The following NTN4 variants were observed in gnomAD, a reference collection of about 807,000 sequenced individuals.
The protein encoded by NTN4 is netrin 4, also known as netrin-4.
A neutral mutation model predicts 73.6 loss-of-function variants in NTN4; 32 were observed. The ratio of observed to expected loss-of-function variants is 0.44; its 90% CI spans 0.33 to 0.58. NTN4 has a LOEUF of 0.58. Among genes scored for constraint, NTN4 ranks in the 20% least tolerant of loss-of-function variants. The pLI is 0.04. For synonymous variants in NTN4, 258 were observed against 287.5 expected, an observed-to-expected ratio of 0.90 and a Z score of 1.04; for missense variants, 654 against 798.3, an observed-to-expected ratio of 0.82 and a Z score of 2.18.
chr12:95,774,185 T>TAAA (rs150561959), intron 2 of NTN4, among the ~76,000 whole-genome samples: 1 of 135,156 alleles, frequency 7.4e-6, no homozygotes, highest in Non-Finnish European at 1.6e-5. Context: ...CTTTTTTTTT[T>TAAA]TAAAAAAAAA....
rs186694131 is a variant in NTN4 at position 95,755,175 on chromosome 12, G to T, written c.586-17031C>A. Among the ~76,000 whole-genome samples the T allele has an allele frequency of 4.5e-3, 687 of 152,316 alleles. 2 individuals carry two copies. Among genetic ancestry groups the T allele is most frequent in the Non-Finnish European group, 7.1e-3 (485 of 68,024 alleles). On this transcript the variant is annotated intron_variant, in intron 2 of 9. Transcript: ENST00000343702. ...ATTGTCACCTCACTTGAAGAGGAAG[G>T]TTATACTTCAATTGACTCGTGAAAC...
At chr12:95,736,891 C>T (rs994114941) in intron 3 of NTN4, among the ~76,000 whole-genome samples, 1 of 152,278 alleles carries the variant, frequency 6.6e-6, no homozygotes. Context: ...GGTGGCCTAT[C>T]GTATACTAGG....
intron 2 of NTN4, among the ~76,000 whole-genome samples, chr12:95,784,535 G>A (rs898227944): frequency 1.3e-4 from 20 of 152,260 alleles, no homozygotes; most frequent in African/African-American, 3.6e-4. Context: ...TTGGCAGGCC[G>A]AGGAGGGCGG....
intron 9 of NTN4, among the ~76,000 whole-genome samples, chr12:95,665,355 GT>G (rs2078171292): frequency 6.6e-6 from 1 of 152,118 alleles, no homozygotes; most frequent in African/African-American, 2.4e-5. Context: ...CTTGAGAACT[GT>G]TTTCTCTCCA....
At chr12:95,721,072 T>C (rs1452298432) in intron 3 of NTN4, among the ~76,000 whole-genome samples, 1 of 152,230 alleles carries the variant, frequency 6.6e-6, no homozygotes, top group African/African-American at 2.4e-5. Flanking sequence ...AGTCTCACTC[T>C]AGCATCCTCA....
intron 2 of NTN4, among the ~76,000 whole-genome samples, chr12:95,757,641 G>A (rs2078955361): frequency 6.6e-6 from 1 of 151,566 alleles, no homozygotes; most frequent in Admixed American, 6.6e-5. Context: ...GAGCTTTGGG[G>A]GCCATCTATG....
intron 3 of NTN4, among the ~76,000 whole-genome samples, chr12:95,731,502 G>C (rs903159571): frequency 1.3e-5 from 2 of 152,102 alleles, no homozygotes; most frequent in African/African-American, 2.4e-5. Flanking sequence ...GGAGGCAGAG[G>C]TTGCAGTGAG....
At chr12:95,780,806 T>C (rs538557102) in intron 2 of NTN4, among the ~76,000 whole-genome samples, 159 of 152,328 alleles carry the variant, frequency 1.0e-3, no homozygotes, top group Non-Finnish European at 7.6e-4. Flanking sequence ...ACCGGGTATA[T>C]ACCCAAAGGA....
chr12:95,731,818 G>A (rs2078739265), intron 3 of NTN4, among the ~76,000 whole-genome samples: 1 of 152,092 alleles, frequency 6.6e-6, no homozygotes, highest in African/African-American at 2.4e-5. Context: ...TCTGACAGGT[G>A]AATGTAATTG....
chr12:95,766,714 C>T (rs1410986722), intron 2 of NTN4, among the ~76,000 whole-genome samples: 9 of 152,188 alleles, frequency 5.9e-5, no homozygotes, highest in Admixed American at 3.3e-4. Context: ...TCTTGACCTG[C>T]GCATAATATT....
intron 3 of NTN4, among the ~76,000 whole-genome samples, chr12:95,727,273 G>T (rs1435134559): frequency 6.6e-6 from 1 of 152,066 alleles, no homozygotes; most frequent in Non-Finnish European, 1.5e-5. Context: ...ATTAAACTGG[G>T]TTATTTTTTG....
In NTN4 at chr12:95,790,572, C is replaced by G; in HGVS notation, c.-263G>C. 2 of 296,756 alleles carry G rather than the reference C, an allele frequency of 6.7e-6. No individual in the cohort carries two copies. Among genetic ancestry groups the G allele is most frequent in the Non-Finnish European group, 6.2e-6 (1 of 161,520 alleles). 18.4% of individuals were successfully genotyped at this position (296,756 alleles called of 1,614,324 possible). A position where few individuals can be genotyped will look rare whatever the true frequency, so the allele number is the denominator to read the frequency against. ...GCGGCGGGAGCCCCGGGACCATAGCCGGCCTGGCTGCGCTGCCCCGCGGAG... is the reference window on the plus strand; with the variant it reads ...GCGGCGGGAGCCCCGGGACCATAGCGGGCCTGGCTGCGCTGCCCCGCGGAG... On this transcript the variant is annotated 5_prime_UTR_variant, in exon 1 of 10. Coordinates refer to ENST00000343702, the MANE Select transcript of NTN4 (RefSeq NM_021229.4). This position sits in a 1 kb window ranked among gnomAD's most constrained non-coding sequence, Gnocchi z 6.5.
At chr12:95,714,855 G>A (rs1429101119) in intron 3 of NTN4, among the ~76,000 whole-genome samples, 2 of 152,132 alleles carry the variant, frequency 1.3e-5, no homozygotes, top group African/African-American at 4.8e-5. Context: ...TATTTTGATT[G>A]TGACAAAAAA....
chr12:95,787,662 A>G (rs954779936), intron 1 of NTN4, among the ~76,000 whole-genome samples, 194 bp from the exon 2 acceptor site: 27 of 152,180 alleles, frequency 1.8e-4, no homozygotes, highest in African/African-American at 6.0e-4. Context: ...GCATTCGTGT[A>G]TGCGTGTGTG....
intron 7 of NTN4, among the ~76,000 whole-genome samples, chr12:95,678,143 A>T (rs1175147295): frequency 6.6e-6 from 1 of 151,746 alleles, no homozygotes; most frequent in African/African-American, 2.4e-5. Flanking sequence ...CAATGAGAAC[A>T]CATGGACACA....
At chr12:95,732,301 C>CA (rs1201472593) in intron 3 of NTN4, among the ~76,000 whole-genome samples, 1 of 150,364 alleles carries the variant, frequency 6.7e-6, no homozygotes, top group African/African-American at 2.4e-5. Flanking sequence ...ATTTTACAGT[C>CA]AAATTTAATA....
chr12:95,660,084 G>C (rs559571487), intron 9 of NTN4, among the ~76,000 whole-genome samples: 2 of 152,174 alleles, frequency 1.3e-5, no homozygotes, highest in East Asian at 1.9e-4. Flanking sequence ...TGCCGTCTTG[G>C]CTCACTGCAA....
chr12:95,732,385 T>C (rs2078744208), intron 3 of NTN4, among the ~76,000 whole-genome samples: 1 of 143,778 alleles, frequency 7.0e-6, no homozygotes, highest in Admixed American at 7.5e-5. Context: ...TTTCTCTCTC[T>C]CTTTCTTCCT....
intron 3 of NTN4, among the ~76,000 whole-genome samples, chr12:95,735,023 G>C (rs1483337437): frequency 1.3e-5 from 2 of 152,086 alleles, no homozygotes; most frequent in Non-Finnish European, 2.9e-5. Flanking sequence ...TGGGCAACAA[G>C]AGCGAAACTC....
Sources: gnomAD v4.1 joint callset for allele counts (sites outside exome capture counted in the v4.1 genomes callset) on GRCh38, gnomAD v4.1.1 for gene constraint, Gnocchi (gnomAD v3.1) non-coding constraint, MANE v1.5 for transcripts, NCBI Gene and HGNC (gene_info 2026-07-23, HGNC 2026-07-21) for gene names.